The following AIRE variants were observed in gnomAD, a reference collection of about 807,000 sequenced individuals.
AIRE encodes the protein autoimmune regulator, also known as autoimmune polyendocrinopathy candidiasis ectodermal dystrophy protein.
A neutral mutation model predicts 62.1 loss-of-function variants in AIRE; 52 were observed. The observed-to-expected ratio is 0.84, with a 90% CI of 0.67 to 1.06. The LOEUF (loss-of-function observed/expected upper bound fraction) is 1.06, where lower values mean the gene tolerates loss of function less well. AIRE is among the 50% of genes least tolerant of loss of function. The probability of loss-of-function intolerance (pLI) is 0.00; values close to 1 mark genes in which losing one functional copy is unlikely to be tolerated. For missense variants in AIRE, 774 were observed against 755.8 expected (o/e 1.02, Z -0.28); for synonymous variants, 342 against 321.6 (o/e 1.06, Z -0.68).
intron 11 of AIRE, 65 bp from the exon 12 acceptor site, chr21:44,294,336 C>A: frequency 9.0e-7 from 1 of 1,112,700 alleles, no homozygotes; most frequent in South Asian, 1.4e-5. Flanking sequence ...ACCCCACACC[C>A]CATACCCCGG....
At position 44,293,219 on chromosome 21, in the gene AIRE, A is replaced by AGGACC. The variant is rs775297197; in HGVS notation, c.1278+45_1278+49dup. On this transcript the variant is annotated intron_variant, in intron 10 of 13. Coordinates refer to ENST00000291582, the MANE Select transcript of AIRE (RefSeq NM_000383.4). ...TCAGGGTGGGCTCTTCAAGGAGCCC[A>AGGACC]GGACCTACGGGGCGGATGAATTCAC... 5.9e-5 allele frequency: 88 copies of AGGACC among 1,485,746 alleles called. 2 individuals are homozygous for AGGACC. In the South Asian group the frequency reaches 1.0e-3, roughly 18 times the overall value. The allele number at this position is 1,485,746 out of a possible 1,614,324, so 92.0% of individuals were successfully genotyped here. A position where few individuals can be genotyped will look rare whatever the true frequency, so the allele number is the denominator to read the frequency against.
Position 44,287,155 on chromosome 21 carries a change from C to A in AIRE, c.463+22C>A, listed in dbSNP as rs1310980515. ...CCAGGTACCCTCCCTGCAGGGGAAG[C>A]CAGCCAGGGTCTCCAGTCTTCCCGG... is the stretch of plus-strand genomic sequence containing the variant. On this transcript the variant is annotated intron_variant, in intron 3 of 13. Coordinates refer to ENST00000291582, the MANE Select transcript of AIRE (RefSeq NM_000383.4). This position sits in a 1 kb window ranked among gnomAD's most constrained non-coding sequence, Gnocchi z 4.3. 6.2e-7 allele frequency: 1 copy of A among 1,610,926 alleles called. No homozygotes were observed. Among genetic ancestry groups the A allele is most frequent in the Admixed American group, 1.7e-5 (1 of 59,980 alleles).
chr21:44,294,373 G>T (rs1800526), intron 11 of AIRE, 28 bp from the exon 12 acceptor site: 1 of 1,500,690 alleles, frequency 6.7e-7, no homozygotes. Flanking sequence ...CCCCCCCAGG[G>T]CTGGCAGCCC....
intron 7 of AIRE, chr21:44,290,706 G>A: frequency 1.5e-6 from 2 of 1,345,438 alleles, no homozygotes; most frequent in South Asian, 2.4e-5. Flanking sequence ...ATCCAGGCAG[G>A]GCACAAGGAC....
In AIRE at chr21:44,290,168, C is replaced by A; in HGVS notation, c.879+100C>A. On this transcript the variant is annotated intron_variant, in intron 7 of 13. Coordinates refer to ENST00000291582, the MANE Select transcript of AIRE (RefSeq NM_000383.4). ...TACCTGGGCACTCAGGGATGAGCAC[C>A]GGGGCCTGAGCCCCTACCCACAGGG... 3 of 1,538,044 alleles carry A rather than the reference C, an allele frequency of 2.0e-6. No homozygotes were observed. The South Asian group carries it at 3.6e-5, about 18-fold the overall frequency.
intron 12 of AIRE, among the ~76,000 whole-genome samples, chr21:44,295,804 T>C (rs1430731757): frequency 2.0e-5 from 3 of 151,708 alleles, no homozygotes; most frequent in East Asian, 3.9e-4. Context: ...GGCTTTCCCC[T>C]CCAGACCGGG....
chr21:44,287,395 C>T lies in AIRE; in HGVS notation c.464-122C>T, dbSNP rs957939181. 5.5e-5 allele frequency: 41 copies of T among 751,426 alleles called. No homozygotes were observed. The highest frequency in any genetic ancestry group is 2.1e-4 in the African/African-American group (12 of 56,526). The allele number at this position is 751,426 out of a possible 1,614,324, so 46.5% of individuals were successfully genotyped here. A position where few individuals can be genotyped will look rare whatever the true frequency, so the allele number is the denominator to read the frequency against. ...CTTTTACTGATGAGAAACCAGAGCC[C>T]GGCAAAGGGACTACCCAGCACTGGA... On this transcript the variant is annotated intron_variant, in intron 3 of 13. Coordinates refer to ENST00000291582, the MANE Select transcript of AIRE (RefSeq NM_000383.4). This position sits in a 1 kb window ranked among gnomAD's most constrained non-coding sequence, Gnocchi z 4.3.
In AIRE at chr21:44,286,218, C is replaced by T. The variant is rs1045958182; in HGVS notation, c.132+80C>T. 21 of 1,439,126 alleles carry T rather than the reference C, an allele frequency of 1.5e-5. No individual in the cohort carries two copies. In the African/African-American group the frequency reaches 2.0e-4, roughly 14 times the overall value. 89.1% of individuals were successfully genotyped at this position (1,439,126 alleles called of 1,614,324 possible). On this transcript the variant is annotated intron_variant, in intron 1 of 13. Transcript: ENST00000291582. This position sits in a 1 kb window ranked among gnomAD's most constrained non-coding sequence, Gnocchi z 6.0. ...CCCCGGGGAAGTTCCAGGAGGACCCCGCCCCTCCAGATCCCCAAGCCCCTC... is the reference window on the plus strand; with the variant it reads ...CCCCGGGGAAGTTCCAGGAGGACCCTGCCCCTCCAGATCCCCAAGCCCCTC...
rs193191445 is a variant in AIRE at position 44,286,304 on chromosome 21, G to A, written c.132+166G>A. On this transcript the variant is annotated intron_variant, in intron 1 of 13. Transcript: ENST00000291582. The surrounding 1 kb of genome is among the most constrained non-coding windows in gnomAD (Gnocchi z 6.0). ...GGGCGTCCCTGATGACAAGTTAGAA[G>A]TTGGTCCCCTTCCCCCAGCCGTCCC... Among the ~76,000 whole-genome samples the A allele has an allele frequency of 1.8e-3, 270 of 150,810 alleles. No individual in the cohort carries two copies. Among genetic ancestry groups the A allele is most frequent in the African/African-American group, 6.4e-3 (261 of 40,966 alleles).
Position 44,287,486 on chromosome 21 carries a change from A to G in AIRE, c.464-31A>G, listed in dbSNP as rs1341735521. 1 of 1,518,070 alleles carries G rather than the reference A, an allele frequency of 6.6e-7. No individual in the cohort carries two copies. The highest frequency in any genetic ancestry group is 2.0e-5 in the Admixed American group (1 of 50,910). 94.0% of individuals were successfully genotyped at this position (1,518,070 alleles called of 1,614,324 possible). A position where few individuals can be genotyped will look rare whatever the true frequency, so the allele number is the denominator to read the frequency against. ...CGGCACTCACCCCCACTGAGAGGGG[A>G]GGCCAGGCTGCCCCCAGCTCCCCCA... On this transcript the variant is annotated intron_variant, in intron 3 of 13. Transcript: ENST00000291582. This position sits in a 1 kb window ranked among gnomAD's most constrained non-coding sequence, Gnocchi z 4.3.
chr21:44,296,535 C>G, intron 13 of AIRE, 90 bp downstream of exon 13: 1 of 1,221,158 alleles, frequency 8.2e-7, no homozygotes, highest in Non-Finnish European at 1.2e-6. Flanking sequence ...GGGAGGACTG[C>G]CGGCCCCCAC....
rs746856788 is a variant in AIRE at position 44,296,406 on chromosome 21, C to G, written c.1527C>G (p.Pro509=). 4 of 1,612,618 alleles carry G rather than the reference C, an allele frequency of 2.5e-6. No individual in the cohort carries two copies. Among genetic ancestry groups the G allele is most frequent in the Non-Finnish European group, 2.5e-6 (3 of 1,179,866 alleles). The change falls in exon 13 of 14, where the codon CCC becomes CCG. Residue 509 remains proline, a synonymous_variant. Transcript: ENST00000291582. The stretch of plus-strand genomic sequence containing the variant: ...AGGATGACACTGCCAGTCACGAGCC[C>G]GCTCTGCACAGGGATGACCTGGAGT... The part of the protein sequence containing the change: ...PAKDDTASHE[P]ALHRDDLESL...
In AIRE at chr21:44,286,561, C is replaced by T. The variant is rs758870962; in HGVS notation, c.137C>T (p.Thr46Met). Residue 46 changes from threonine (T) to methionine (M), a missense_variant, in exon 2 of 14, where the codon ACG (threonine) becomes ATG (methionine). Physicochemically the swap from Thr to Met is moderately conservative, Grantham distance 81 (BLOSUM62 -1). Around this residue, in one of 3 missense-constraint regions of AIRE, gnomAD observed 385 missense variants for 396.0 expected, o/e 0.97. Coordinates refer to ENST00000291582, the MANE Select transcript of AIRE (RefSeq NM_000383.4). This position sits in a 1 kb window ranked among gnomAD's most constrained non-coding sequence, Gnocchi z 6.0. Reference sequence around the variant, plus strand: ...CCTCATGCCACCCCACTGCAGGAGACGCTTCATCTGAAGGAAAAGGAGGGC... The same window carrying T: ...CCTCATGCCACCCCACTGCAGGAGATGCTTCATCTGAAGGAAAAGGAGGGC... Reference protein sequence around the residue: ...DVVPEDKFQETLHLKEKEGCP... With the variant: ...DVVPEDKFQEMLHLKEKEGCP... 9.1e-5 allele frequency: 146 copies of T among 1,609,512 alleles called. No homozygotes were observed. The highest frequency in any genetic ancestry group is 2.7e-4 in the East Asian group (12 of 44,710).
chr21:44,293,149 C>T lies in AIRE; in HGVS notation c.1252C>T (p.Leu418=), dbSNP rs2040561240. 1.9e-6 allele frequency: 3 copies of T among 1,579,096 alleles called. No individual in the cohort carries two copies. The highest frequency in any genetic ancestry group is 2.6e-6 in the Non-Finnish European group (3 of 1,162,708). The change falls in exon 10 of 14, where the codon CTG becomes TTG. Residue 418 remains leucine, a synonymous_variant. Transcript: ENST00000291582. ...GLDSSALHPL[L]CVGPEGQQNL... ...GGACTCCTCGGCCCTGCACCCCCTA[C>T]TGTGTGTGGGTCCTGAGGGTCAGCA...
At chr21:44,292,869 C>A in intron 9 of AIRE, 124 bp from the exon 10 acceptor site, 1 of 811,184 alleles carries the variant, frequency 1.2e-6, no homozygotes, top group Non-Finnish European at 2.1e-6. Context: ...CCCTCCGCCC[C>A]CACCATGCCA....
intron 10 of AIRE, 45 bp downstream of exon 10, chr21:44,293,220 G>C: frequency 6.7e-7 from 1 of 1,483,628 alleles, no homozygotes; most frequent in Non-Finnish European, 9.0e-7. Context: ...AAGGAGCCCA[G>C]GACCTACGGG....
At position 44,297,914 on chromosome 21, in the gene AIRE, C is replaced by T; in HGVS notation, c.*187C>T. ...TCATGTGCCTGGAAATTAAACCCTG[C>T]CCCACTTCTCTACTCTGGAAGTCCC... On this transcript the variant is annotated 3_prime_UTR_variant, in exon 14 of 14. Coordinates refer to ENST00000291582, the MANE Select transcript of AIRE (RefSeq NM_000383.4). This position sits in a 1 kb window ranked among gnomAD's most constrained non-coding sequence, Gnocchi z 4.8. 1.6e-6 allele frequency: 1 copy of T among 636,690 alleles called. No homozygotes were observed. The highest frequency in any genetic ancestry group is 2.8e-6 in the Non-Finnish European group (1 of 352,146). 39.4% of individuals were successfully genotyped at this position (636,690 alleles called of 1,614,324 possible).
rs2040505017 is a variant in AIRE, at chr21:44,288,618, A to G, written c.652+160A>G. On this transcript the variant is annotated intron_variant, in intron 5 of 13. Coordinates refer to ENST00000291582, the MANE Select transcript of AIRE (RefSeq NM_000383.4). ...GTGGTTCTGCTGACTTTGGAGGAGG[A>G]GGGTGAGCACTGAAGTCTCCCTGTC... The G allele has an allele frequency of 9.7e-6, 6 of 618,692 alleles. No individual in the cohort carries two copies. In the South Asian group the frequency reaches 9.7e-5, roughly 10 times the overall value. The allele number at this position is 618,692 out of a possible 1,614,324, so 38.3% of individuals were successfully genotyped here.
rs1299040669 is a variant in AIRE, at chr21:44,297,607, C to T, written c.1567-49C>T. 6 of 1,493,086 alleles carry T rather than the reference C, an allele frequency of 4.0e-6. No homozygotes were observed. The Admixed American group carries it at 5.0e-5, about 12-fold the overall frequency. The allele number at this position is 1,493,086 out of a possible 1,614,324, so 92.5% of individuals were successfully genotyped here. Reference sequence around the variant, plus strand: ...TGTAACGATGGCCATGATTCTGTGGCTGCGGCGGGGGCGCACCTGGAGGTT... The same window carrying T: ...TGTAACGATGGCCATGATTCTGTGGTTGCGGCGGGGGCGCACCTGGAGGTT... On this transcript the variant is annotated intron_variant, in intron 13 of 13. Coordinates refer to ENST00000291582, the MANE Select transcript of AIRE (RefSeq NM_000383.4). This position sits in a 1 kb window ranked among gnomAD's most constrained non-coding sequence, Gnocchi z 4.8.
Sources: gnomAD v4.1 joint callset for allele counts (sites outside exome capture counted in the v4.1 genomes callset) on GRCh38, gnomAD v4.1.1 for gene constraint, gnomAD v4.1.1 regional missense constraint, Gnocchi (gnomAD v3.1) non-coding constraint, MANE v1.5 for transcripts, NCBI Gene and HGNC (gene_info 2026-07-23, HGNC 2026-07-21) for gene names.